CNTN4: variants seen among roughly 807,000 people sequenced by gnomAD.
The protein encoded by CNTN4 is contactin-4.
In CNTN4, 77 loss-of-function variants were observed where a neutral mutation model predicts 122.5. The observed-to-expected ratio is 0.63, with a 90% CI of 0.52 to 0.76. The LOEUF (loss-of-function observed/expected upper bound fraction) is 0.76. CNTN4 is among the 30% of genes least tolerant of loss of function. The probability of loss-of-function intolerance (pLI) is 0.00; values close to 1 mark genes in which losing one functional copy is unlikely to be tolerated. For synonymous variants in CNTN4, 512 were observed against 447.0 expected (o/e 1.15, Z -1.83); for missense variants, 1,256 against 1,259.1 (o/e 1.00, Z 0.04).
intron 2 of CNTN4, among the ~76,000 whole-genome samples, chr3:2,105,300 C>T (rs770437834): frequency 6.6e-6 from 1 of 152,176 alleles, no homozygotes; most frequent in African/African-American, 2.4e-5. Context: ...GGAGCAAAAC[C>T]AGCTCCTCTT....
At chr3:3,003,414 G>A (rs181444401) in intron 14 of CNTN4, among the ~76,000 whole-genome samples, 2 of 152,188 alleles carry the variant, frequency 1.3e-5, no homozygotes, top group Non-Finnish European at 2.9e-5. Context: ...GTCATTAAAA[G>A]AAATGAAGTA....
chr3:2,557,903 T>A lies in CNTN4; in HGVS notation c.-88-13513T>A, dbSNP rs139720945. Among the ~76,000 whole-genome samples the A allele has an allele frequency of 9.3e-3, 1,409 of 152,296 alleles. 12 individuals are homozygous for A. Among genetic ancestry groups the A allele is most frequent in the Middle Eastern group, 0.024 (7 of 294 alleles). ...ATTCAGAATTTATTTTTTCACATAA[T>A]TTTTCCTATGACTAGCTGGTCTTCT... On this transcript the variant is annotated intron_variant, in intron 3 of 24. Coordinates refer to ENST00000418658, the MANE Select transcript of CNTN4 (RefSeq NM_175607.3).
At chr3:2,845,079 A>G (rs1284385681) in intron 7 of CNTN4, among the ~76,000 whole-genome samples, 13 of 152,238 alleles carry the variant, frequency 8.5e-5, no homozygotes, top group Admixed American at 8.5e-4. Flanking sequence ...TCAAAAGGCA[A>G]GAGTTGTCAT....
chr3:2,362,971 C>G (rs1452592014), intron 3 of CNTN4, among the ~76,000 whole-genome samples: 1 of 151,752 alleles, frequency 6.6e-6, no homozygotes, highest in African/African-American at 2.4e-5. Context: ...GTTTTTTTTC[C>G]TTTTTCTTTA....
intron 3 of CNTN4, among the ~76,000 whole-genome samples, chr3:2,491,480 T>C (rs780842720): frequency 2.0e-5 from 3 of 152,226 alleles, no homozygotes; most frequent in Non-Finnish European, 2.9e-5. Context: ...GTGATTATTA[T>C]ACTTAAAAAA....
intron 4 of CNTN4, among the ~76,000 whole-genome samples, chr3:2,643,086 TATC>T (rs2082966136): frequency 6.6e-6 from 1 of 152,224 alleles, no homozygotes; most frequent in Admixed American, 6.5e-5. Context: ...CGCTAAACTC[TATC>T]ATCTCTATGG....
chr3:2,416,784 G>C (rs1023894266), intron 3 of CNTN4, among the ~76,000 whole-genome samples: 1 of 152,128 alleles, frequency 6.6e-6, no homozygotes, highest in African/African-American at 2.4e-5. Context: ...CTCCCGAGTA[G>C]CTGGGACTAC....
At chr3:2,648,154 CACTT>C (rs2083210618) in intron 4 of CNTN4, among the ~76,000 whole-genome samples, 1 of 152,082 alleles carries the variant, frequency 6.6e-6, no homozygotes, top group African/African-American at 2.4e-5. Context: ...ATCTTAATGA[CACTT>C]ACTTTATTTG....
At chr3:2,271,401 A>T (rs1377213705) in intron 2 of CNTN4, among the ~76,000 whole-genome samples, 1 of 152,140 alleles carries the variant, frequency 6.6e-6, no homozygotes, top group South Asian at 2.1e-4. Context: ...AGATAATTAC[A>T]TGGATTCAAT....
intron 13 of CNTN4, among the ~76,000 whole-genome samples, chr3:2,935,864 A>G (rs1465797294): frequency 1.3e-5 from 2 of 152,208 alleles, no homozygotes; most frequent in Non-Finnish European, 2.9e-5. Context: ...ATGTTCTTGT[A>G]TGAAATGAAT....
At chr3:2,778,075 G>T (rs909531318) in intron 6 of CNTN4, among the ~76,000 whole-genome samples, 1 of 147,398 alleles carries the variant, frequency 6.8e-6, no homozygotes, top group African/African-American at 2.5e-5. Context: ...TTAGCCGGGC[G>T]TGGTGGCGGG....
chr3:2,909,854 TTGATGC>T (rs2094280420), intron 12 of CNTN4, among the ~76,000 whole-genome samples: 1 of 152,194 alleles, frequency 6.6e-6, no homozygotes, highest in Admixed American at 6.5e-5. Context: ...ACAAGTGATG[TTGATGC>T]TGATGCTGCT....
intron 3 of CNTN4, among the ~76,000 whole-genome samples, chr3:2,462,447 T>A (rs1422059477): frequency 2.6e-5 from 4 of 152,186 alleles, no homozygotes; most frequent in Non-Finnish European, 5.9e-5. Flanking sequence ...AGCACTCTGA[T>A]GACTAGTGGT....
At chr3:2,332,720 G>C (rs998927547) in intron 2 of CNTN4, among the ~76,000 whole-genome samples, 1 of 142,178 alleles carries the variant, frequency 7.0e-6, no homozygotes, top group Admixed American at 7.2e-5. Flanking sequence ...GGGGACTGTT[G>C]TGGGGTGGGG....
intron 3 of CNTN4, among the ~76,000 whole-genome samples, chr3:2,380,563 G>A (rs1341745485): frequency 6.6e-6 from 1 of 152,210 alleles, no homozygotes; most frequent in African/African-American, 2.4e-5. Flanking sequence ...CACTTTTAGG[G>A]GCTAAGTAAA....
At chr3:2,568,729 A>G (rs548278146) in intron 3 of CNTN4, among the ~76,000 whole-genome samples, 1 of 152,294 alleles carries the variant, frequency 6.6e-6, no homozygotes, top group East Asian at 1.9e-4. Flanking sequence ...CCACGACCCC[A>G]TTATTTCTGA....
chr3:2,697,727 A>T (rs76966371), intron 4 of CNTN4, among the ~76,000 whole-genome samples: 3,121 of 152,256 alleles, frequency 0.02, 102 homozygotes, highest in African/African-American at 0.07. Context: ...AAAAAAAAAG[A>T]TACTTATTTT....
At chr3:2,571,581 T>C in intron 4 of CNTN4, 23 bp downstream of exon 4, 1 of 1,587,302 alleles carries the variant, frequency 6.3e-7, no homozygotes, top group South Asian at 1.1e-5. Context: ...TTTAAAACTT[T>C]TTGATTTAGA....
chr3:2,942,410 A>G (rs183477765), intron 13 of CNTN4, among the ~76,000 whole-genome samples: 1 of 152,362 alleles, frequency 6.6e-6, no homozygotes, highest in Non-Finnish European at 1.5e-5. Context: ...AGTTATAATT[A>G]TCGTGTTTAT....
Sources: gnomAD v4.1 joint callset for allele counts (sites outside exome capture counted in the v4.1 genomes callset) on GRCh38, gnomAD v4.1.1 for gene constraint, MANE v1.5 for transcripts, NCBI Gene and HGNC (gene_info 2026-07-23, HGNC 2026-07-21) for gene names.